Variants in MTPAP observed in about 807,000 individuals in gnomAD.
MTPAP encodes the protein poly(A) RNA polymerase, mitochondrial.
MTPAP carries 23 observed loss-of-function variants against 48.7 expected under a neutral mutation model. The observed-to-expected ratio is 0.47, with a 90% CI of 0.34 to 0.67. MTPAP has a LOEUF of 0.67. Ranked by LOEUF, MTPAP falls within the 30% of genes least tolerant of loss-of-function variation. The pLI, the probability that MTPAP is intolerant of heterozygous loss-of-function variation, is 0.01. For synonymous variants in MTPAP, 257 were observed against 254.1 expected, an observed-to-expected ratio of 1.01 and a Z score of -0.11; for missense variants, 614 against 694.3, an observed-to-expected ratio of 0.88 and a Z score of 1.30.
intron 8 of MTPAP, 65 bp downstream of exon 8, chr10:30,315,898 G>A: frequency 7.1e-7 from 1 of 1,404,490 alleles, no homozygotes. Flanking sequence ...TTTGAAAACA[G>A]TTAATTAAAT....
At chr10:30,315,303 G>T (rs1840647867) in intron 8 of MTPAP, among the ~76,000 whole-genome samples, 1 of 152,128 alleles carries the variant, frequency 6.6e-6, no homozygotes, top group African/African-American at 2.4e-5. Context: ...CTGGGTTTGT[G>T]TTTTATGAAG....
rs542784548 is a variant in MTPAP at position 30,311,948 on chromosome 10, A to C, written c.*1661T>G. 6 of 152,478 alleles carry C rather than the reference A, an allele frequency of 3.9e-5. No individual in the cohort carries two copies. The highest frequency in any genetic ancestry group is 3.9e-4 in the Admixed American group (6 of 15,308). The allele number at this position is 152,478 out of a possible 1,614,324, so 9.4% of individuals were successfully genotyped here. A position where few individuals can be genotyped will look rare whatever the true frequency, so the allele number is the denominator to read the frequency against. The stretch of plus-strand genomic sequence containing the variant: ...GATCACCTGAGGTCAGGAGTTCGAG[A>C]TCAGCCTGGCCAACATGGTGAAACC... On this transcript the variant is annotated 3_prime_UTR_variant, in exon 9 of 9. Coordinates refer to ENST00000263063, the MANE Select transcript of MTPAP (RefSeq NM_018109.4).
chr10:30,318,881 C>T (rs985616764), intron 6 of MTPAP, among the ~76,000 whole-genome samples: 7 of 152,224 alleles, frequency 4.6e-5, no homozygotes, highest in African/African-American at 1.7e-4. Context: ...CATAAAAGAA[C>T]TACAACAATC....
chr10:30,324,779 A>AT (rs2132852397), intron 5 of MTPAP, among the ~76,000 whole-genome samples: 1 of 152,310 alleles, frequency 6.6e-6, no homozygotes, highest in South Asian at 2.1e-4. Context: ...AGGTGGGCAG[A>AT]TCACCTGAGG....
At position 30,340,380 on chromosome 10, in the gene MTPAP, G is replaced by A; in HGVS notation, c.401C>T (p.Pro134Leu). The A allele has an allele frequency of 6.2e-7, 1 of 1,614,118 alleles. No homozygotes were observed. The highest frequency in any genetic ancestry group is 8.5e-7 in the Non-Finnish European group (1 of 1,180,020). The change falls in exon 3 of 9, where the codon CCA (proline) becomes CTA (leucine). Residue 134 changes from proline (P) to leucine (L), a missense_variant. Pro to Leu is a moderately conservative substitution (Grantham distance 98, BLOSUM62 -3). Coordinates refer to ENST00000263063, the MANE Select transcript of MTPAP (RefSeq NM_018109.4). ...IGSLQNGTHTPSTAMETAIPF... is the reference protein window; with the variant it reads ...IGSLQNGTHTLSTAMETAIPF... ...AATTGCAGTCTCCATGGCCGTGCTT[G>A]GAGTATGAGTCCCATTCTGCAGTGA...
intron 3 of MTPAP, among the ~76,000 whole-genome samples, chr10:30,337,523 C>T (rs1834743844): frequency 6.6e-6 from 1 of 152,048 alleles, no homozygotes; most frequent in South Asian, 2.1e-4. Context: ...TCATATGAGG[C>T]AAGGAGTTTG....
chr10:30,332,129 A>C (rs545229629), intron 4 of MTPAP, among the ~76,000 whole-genome samples: 2 of 152,234 alleles, frequency 1.3e-5, no homozygotes, highest in Non-Finnish European at 2.9e-5. Context: ...TGATGAATGT[A>C]AGAGTACTTG....
intron 1 of MTPAP, among the ~76,000 whole-genome samples, chr10:30,342,843 C>G (rs942075837): frequency 1.3e-5 from 2 of 152,098 alleles, no homozygotes; most frequent in African/African-American, 4.8e-5. Flanking sequence ...GAAGAGCTCC[C>G]TGATAATTTT....
intron 4 of MTPAP, among the ~76,000 whole-genome samples, chr10:30,327,259 G>A (rs535112647): frequency 1.6e-4 from 24 of 151,604 alleles, no homozygotes; most frequent in African/African-American, 5.3e-4. Context: ...AGGCCAAGGC[G>A]GGTGGATCAC....
chr10:30,319,943 G>A (rs1840702508), intron 6 of MTPAP, among the ~76,000 whole-genome samples: 1 of 152,190 alleles, frequency 6.6e-6, no homozygotes, highest in Admixed American at 6.5e-5. Flanking sequence ...GCTATACGAT[G>A]TGAACATATT....
intron 4 of MTPAP, among the ~76,000 whole-genome samples, chr10:30,335,678 G>A (rs967968150): frequency 2.6e-5 from 4 of 152,076 alleles, no homozygotes; most frequent in African/African-American, 7.2e-5. Flanking sequence ...GGAGGAAAGT[G>A]CAGGAATAAA....
chr10:30,345,976 G>A (rs944289308), intron 1 of MTPAP, among the ~76,000 whole-genome samples: 1 of 151,594 alleles, frequency 6.6e-6, no homozygotes, highest in African/African-American at 2.4e-5. Context: ...AGAAGGCAGA[G>A]GTTGCACTGA....
At chr10:30,322,347 TA>T (rs770012024) in intron 6 of MTPAP, 43 bp downstream of exon 6, 2 of 1,416,908 alleles carry the variant, frequency 1.4e-6, no homozygotes, top group South Asian at 2.3e-5. Context: ...TATTTACTCA[TA>T]ACATTGGAAA....
chr10:30,332,851 G>A (rs891261767), intron 4 of MTPAP, among the ~76,000 whole-genome samples: 2 of 152,194 alleles, frequency 1.3e-5, no homozygotes, highest in African/African-American at 4.8e-5. Context: ...GCCGGGCGCA[G>A]TGGCTCATGC....
chr10:30,341,394 C>CA, intron 2 of MTPAP, 74 bp downstream of exon 2: 1 of 1,534,476 alleles, frequency 6.5e-7, no homozygotes, highest in Middle Eastern at 2.3e-4. Context: ...AAAGCAACAG[C>CA]AAAAAACAAC....
At chr10:30,333,344 T>A (rs987112966) in intron 4 of MTPAP, among the ~76,000 whole-genome samples, 1 of 152,130 alleles carries the variant, frequency 6.6e-6, no homozygotes, top group African/African-American at 2.4e-5. Flanking sequence ...AAACATTGTA[T>A]GAGATATGTG....
In MTPAP at chr10:30,340,528, C is replaced by T. The variant is rs1834790786; in HGVS notation, c.331-78G>A. On this transcript the variant is annotated intron_variant, in intron 2 of 8. Transcript: ENST00000263063. ...TACTATTTTAGCTCATATATTAAAA[C>T]AATTATCATAATGCTACAAAATATC... is the stretch of plus-strand genomic sequence containing the variant. 4 of 1,019,796 alleles carry T rather than the reference C, an allele frequency of 3.9e-6. No individual in the cohort carries two copies. The Admixed American group carries it at 5.2e-5, about 13-fold the overall frequency. 63.2% of individuals were successfully genotyped at this position (1,019,796 alleles called of 1,614,324 possible). A position where few individuals can be genotyped will look rare whatever the true frequency, so the allele number is the denominator to read the frequency against.
rs767138697 is a variant in MTPAP, at chr10:30,313,222, C to T, written c.*387G>A. 1.7e-5 allele frequency: 4 copies of T among 237,922 alleles called. No individual in the cohort carries two copies. Among genetic ancestry groups the T allele is most frequent in the Admixed American group, 5.1e-5 (1 of 19,426 alleles). The allele number at this position is 237,922 out of a possible 1,614,324, so 14.7% of individuals were successfully genotyped here. A position where few individuals can be genotyped will look rare whatever the true frequency, so the allele number is the denominator to read the frequency against. On this transcript the variant is annotated 3_prime_UTR_variant, in exon 9 of 9. Coordinates refer to ENST00000263063, the MANE Select transcript of MTPAP (RefSeq NM_018109.4). ...TATATTTACCTATTTAGTTAAAGCA[C>T]ATTACAATAATCTTTCACCCATTCC...
intron 3 of MTPAP, 78 bp from the exon 4 acceptor site, chr10:30,337,105 AT>A: frequency 7.8e-7 from 1 of 1,280,320 alleles, no homozygotes; most frequent in Non-Finnish European, 1.1e-6. Flanking sequence ...ACTTTCAAAG[AT>A]TTGGTGGCGT....
Sources: allele counts gnomAD v4.1 joint callset (sites outside exome capture counted in the v4.1 genomes callset), GRCh38; gene constraint gnomAD v4.1.1; transcripts MANE v1.5; gene names NCBI Gene and HGNC (gene_info 2026-07-23, HGNC 2026-07-21).